Variants in EFCAB13 observed in about 807,000 individuals in gnomAD.
EFCAB13 encodes EF-hand calcium-binding domain-containing protein 13.
EFCAB13 carries 91 observed loss-of-function variants against 110.2 expected under a neutral mutation model. That is an observed-to-expected ratio of 0.83 (90% CI 0.70 to 0.98). EFCAB13 has a LOEUF of 0.98. Among genes scored for constraint, EFCAB13 ranks in the 50% least tolerant of loss-of-function variants. The pLI is 0.00. For synonymous variants in EFCAB13, 323 were observed against 369.9 expected (o/e 0.87, Z 1.45); for missense variants, 968 against 1,119.4 (o/e 0.86, Z 1.93).
intron 4 of EFCAB13, among the ~76,000 whole-genome samples, chr17:47,333,696 T>G (rs2065333127): frequency 6.6e-6 from 1 of 152,240 alleles, no homozygotes; most frequent in Admixed American, 6.5e-5. Flanking sequence ...GACTGTTCTT[T>G]CCCCATTGTG....
rs58304526 is a variant in EFCAB13 at position 47,340,766 on chromosome 17, ATTTTTTTTTTT to A, written c.192-1136_192-1126del. Reference sequence around the variant, plus strand: ...AGGCGTGCACCACCACACCTGGCTAATTTTTTTTTTTTTTTTTTTTTTTTTTTTTAGTAGAG... The same window carrying A: ...AGGCGTGCACCACCACACCTGGCTAATTTTTTTTTTTTTTTTTTAGTAGAG... On this transcript the variant is annotated intron_variant, in intron 5 of 24. Transcript: ENST00000331493. Among the ~76,000 whole-genome samples the A allele has an allele frequency of 3.6e-3, 193 of 54,026 alleles. 1 individual carries two copies. Among genetic ancestry groups the A allele is most frequent in the Middle Eastern group, 0.014 (1 of 72 alleles). The allele number at this position is 54,026 out of a possible 152,430, so 35.4% of individuals were successfully genotyped here.
At chr17:47,330,399 G>T (rs1342373330) in intron 4 of EFCAB13, among the ~76,000 whole-genome samples, 1 of 151,952 alleles carries the variant, frequency 6.6e-6, no homozygotes, top group Non-Finnish European at 1.5e-5. Context: ...GGCTTTTAGT[G>T]TACCTGTTAC....
At chr17:47,424,733 A>G (rs1420323414) in intron 23 of EFCAB13, among the ~76,000 whole-genome samples, 1 of 151,980 alleles carries the variant, frequency 6.6e-6, no homozygotes, top group Non-Finnish European at 1.5e-5. Flanking sequence ...GCTTTGTGCC[A>G]ACAGTACATT....
At chr17:47,397,184 G>A (rs2065744231) in intron 17 of EFCAB13, among the ~76,000 whole-genome samples, 1 of 151,834 alleles carries the variant, frequency 6.6e-6, no homozygotes, top group African/African-American at 2.4e-5. Flanking sequence ...ACTGGTTTTC[G>A]TATTTTTTTG....
At position 47,426,387 on chromosome 17, in the gene EFCAB13, T is replaced by C. The variant is rs147901814; in HGVS notation, c.2495-3431T>C. On this transcript the variant is annotated intron_variant, in intron 23 of 24. Transcript: ENST00000331493. ...ATAACTTTTCATGAAATGCATTGTA[T>C]ACAAAATTCATAGTTATGTCCAAAG... is the stretch of plus-strand genomic sequence containing the variant. 2.6e-3 allele frequency among the ~76,000 whole-genome samples: 398 copies of C among 152,336 alleles called. 2 individuals carry two copies. Among genetic ancestry groups the C allele is most frequent in the South Asian group, 6.8e-3 (33 of 4,830 alleles).
chr17:47,369,044 T>C (rs929080038), intron 10 of EFCAB13, among the ~76,000 whole-genome samples: 3 of 152,200 alleles, frequency 2.0e-5, no homozygotes, highest in Non-Finnish European at 4.4e-5. Context: ...GTGGCAGATA[T>C]AGAATTCCAT....
chr17:47,423,470 C>G (rs1904796335), intron 23 of EFCAB13: 1 of 215,170 alleles, frequency 4.6e-6, no homozygotes, highest in African/African-American at 2.3e-5. Context: ...CCGCGCCTGG[C>G]TGCGGGCGGC....
At position 47,361,386 on chromosome 17, in the gene EFCAB13, G is replaced by A; in HGVS notation, c.670G>A (p.Asp224Asn). 1 of 1,612,416 alleles carries A rather than the reference G, an allele frequency of 6.2e-7. No homozygotes were observed. Among genetic ancestry groups the A allele is most frequent in the Non-Finnish European group, 8.5e-7 (1 of 1,179,194 alleles). Residue 224 changes from aspartate (D) to asparagine (N), a missense_variant, in exon 10 of 25, where the codon GAT (aspartate) becomes AAT (asparagine). Asp to Asn is a conservative substitution (Grantham distance 23). Transcript: ENST00000331493. The part of the protein sequence containing the change: ...LKTVDIDAFQ[D>N]ALKIFCRIKG... ...TAATTTCTTTTTTGCAGCATTCCAG[G>A]ATGCCTTGAAGATTTTCTGTAGGAT...
At chr17:47,411,971 T>C (rs777757341) in intron 21 of EFCAB13, among the ~76,000 whole-genome samples, 2 of 152,200 alleles carry the variant, frequency 1.3e-5, no homozygotes, top group Non-Finnish European at 2.9e-5. Flanking sequence ...GGCACATGCC[T>C]GTAATCCCAG....
chr17:47,370,401 A>G, intron 10 of EFCAB13, 36 bp from the exon 11 acceptor site: 1 of 1,385,686 alleles, frequency 7.2e-7, no homozygotes, highest in Non-Finnish European at 1.0e-6. Context: ...TCTATGTTCA[A>G]AAGTAAATAC....
intron 21 of EFCAB13, among the ~76,000 whole-genome samples, chr17:47,412,099 C>G (rs1039490624): frequency 6.6e-6 from 1 of 152,056 alleles, no homozygotes; most frequent in Non-Finnish European, 1.5e-5. Flanking sequence ...ATCTCAAAAA[C>G]AAAAACAAAC....
At chr17:47,404,736 A>G in intron 20 of EFCAB13, 103 bp downstream of exon 20, 1 of 738,974 alleles carries the variant, frequency 1.4e-6, no homozygotes, top group South Asian at 2.3e-5. Context: ...TCTTTATAGT[A>G]TCTGTGCCAA....
chr17:47,353,119 C>T (rs1379924099), intron 9 of EFCAB13, among the ~76,000 whole-genome samples: 1 of 151,776 alleles, frequency 6.6e-6, no homozygotes, highest in East Asian at 1.9e-4. Flanking sequence ...GTAATATATT[C>T]AATAGGAGTG....
chr17:47,366,622 T>G (rs1320837205), intron 10 of EFCAB13, among the ~76,000 whole-genome samples: 2 of 152,216 alleles, frequency 1.3e-5, no homozygotes, highest in African/African-American at 4.8e-5. Flanking sequence ...AAATAAGTGA[T>G]ACCTATGACC....
rs766793782 is a variant in EFCAB13, at chr17:47,374,964, T to C, written c.1370T>C (p.Leu457Pro). Reference sequence around the variant, plus strand: ...ACGGAAAAAACTGCAATTAGTACTCTGGGTAAGTAAAAATCTAGGTTCTTG... The same window carrying C: ...ACGGAAAAAACTGCAATTAGTACTCCGGGTAAGTAAAAATCTAGGTTCTTG... ...SSTEKTAISTLENFCEAISKL... is the reference protein window; with the variant it reads ...SSTEKTAISTPENFCEAISKL... The change falls in exon 12 of 25, where the codon CTG (leucine) becomes CCG (proline). Residue 457 changes from leucine to proline, a missense_variant and splice_region_variant. Coordinates refer to ENST00000331493, the MANE Select transcript of EFCAB13 (RefSeq NM_152347.5). 1 of 1,552,646 alleles carries C rather than the reference T, an allele frequency of 6.4e-7. No homozygotes were observed. The highest frequency in any genetic ancestry group is 8.6e-7 in the Non-Finnish European group (1 of 1,157,902).
At chr17:47,363,767 T>C (rs2065530230) in intron 10 of EFCAB13, among the ~76,000 whole-genome samples, 1 of 152,204 alleles carries the variant, frequency 6.6e-6, no homozygotes, top group African/African-American at 2.4e-5. Context: ...GGGCTTCCAC[T>C]AGTTTTTGTC....
intron 6 of EFCAB13, among the ~76,000 whole-genome samples, chr17:47,342,357 C>T (rs1333234769): frequency 1.3e-5 from 2 of 152,126 alleles, no homozygotes; most frequent in Non-Finnish European, 2.9e-5. Flanking sequence ...GGCAGCATAA[C>T]TCCAATCTCT....
rs538404969 is a variant in EFCAB13, at chr17:47,427,165, G to A, written c.2495-2653G>A. 1.4e-3 allele frequency among the ~76,000 whole-genome samples: 218 copies of A among 152,122 alleles called. 1 individual carries two copies. Among genetic ancestry groups the A allele is most frequent in the African/African-American group, 4.9e-3 (202 of 41,538 alleles). On this transcript the variant is annotated intron_variant, in intron 23 of 24. Coordinates refer to ENST00000331493, the MANE Select transcript of EFCAB13 (RefSeq NM_152347.5). ...GAGATGCAAAATGTAAATACATCAC[G>A]TTTTTATTAAATTGATAGACTGCCT...
At chr17:47,339,019 G>A (rs2065368409) in intron 5 of EFCAB13, among the ~76,000 whole-genome samples, 1 of 151,732 alleles carries the variant, frequency 6.6e-6, no homozygotes, top group Non-Finnish European at 1.5e-5. Flanking sequence ...AAATAAAATT[G>A]GAAAAAAAGG....
Sources: gnomAD v4.1 joint callset for allele counts (sites outside exome capture counted in the v4.1 genomes callset) on GRCh38, gnomAD v4.1.1 for gene constraint, MANE v1.5 for transcripts, NCBI Gene and HGNC (gene_info 2026-07-23, HGNC 2026-07-21) for gene names.